AMHR2: variants seen among roughly 807,000 people sequenced by gnomAD.
AMHR2 encodes anti-Mullerian hormone receptor type 2.
AMHR2 carries 36 observed loss-of-function variants against 61.4 expected under a neutral mutation model. The ratio of observed to expected loss-of-function variants is 0.59; its 90% CI spans 0.45 to 0.77. The LOEUF (loss-of-function observed/expected upper bound fraction) is 0.77, where lower values mean the gene tolerates loss of function less well. Among genes scored for constraint, AMHR2 ranks in the 30% least tolerant of loss-of-function variants. The pLI is 0.00. For missense variants in AMHR2, 638 were observed against 714.6 expected (o/e 0.89, Z 1.22); for synonymous variants, 258 against 279.4 (o/e 0.92, Z 0.76).
At position 53,430,531 on chromosome 12, in the gene AMHR2, C is replaced by G; in HGVS notation, c.1425+249C>G. On this transcript the variant is annotated intron_variant, in intron 10 of 10. Coordinates refer to ENST00000257863, the MANE Select transcript of AMHR2 (RefSeq NM_020547.3). ...CTTCCTCCTGCTCAACCTTGCCCAG[C>G]CTGTCTCTCCTCTCTGCCATCAGTT... 6.8e-6 allele frequency: 4 copies of G among 588,974 alleles called. No individual in the cohort carries two copies. In the South Asian group the frequency reaches 7.6e-5, roughly 11 times the overall value. 36.5% of individuals were successfully genotyped at this position (588,974 alleles called of 1,614,324 possible).
At position 53,431,672 on chromosome 12, in the gene AMHR2, A is replaced by G; in HGVS notation, c.*199A>G. 1 of 665,622 alleles carries G rather than the reference A, an allele frequency of 1.5e-6. No individual in the cohort carries two copies. The highest frequency in any genetic ancestry group is 2.7e-5 in the East Asian group (1 of 36,620). The allele number at this position is 665,622 out of a possible 1,614,324, so 41.2% of individuals were successfully genotyped here. A position where few individuals can be genotyped will look rare whatever the true frequency, so the allele number is the denominator to read the frequency against. ...AGAATAAAGTCAGCTTTCCTGATGC[A>G]TATCCTTGGTCCTTCCTCTATTCCT... On this transcript the variant is annotated 3_prime_UTR_variant, in exon 11 of 11. Transcript: ENST00000257863.
chr12:53,431,498 G>C lies in AMHR2; in HGVS notation c.*25G>C. ...AATATGCAGTTTATGTGTCATCAAT[G>C]TACATGCCAACATAAATATGGCGAT... On this transcript the variant is annotated 3_prime_UTR_variant, in exon 11 of 11. Coordinates refer to ENST00000257863, the MANE Select transcript of AMHR2 (RefSeq NM_020547.3). 1 of 1,613,792 alleles carries C rather than the reference G, an allele frequency of 6.2e-7. No homozygotes were observed.
intron 1 of AMHR2, 41 bp downstream of exon 1, chr12:53,424,024 C>T (rs1330443505): frequency 3.1e-6 from 5 of 1,610,966 alleles, no homozygotes; most frequent in Non-Finnish European, 4.2e-6. Flanking sequence ...TCCATCCATC[C>T]AGCAAGGGAA....
chr12:53,424,384 T>TCC lies in AMHR2; in HGVS notation c.149_150dup (p.Arg51ProfsTer18), dbSNP rs1939343637. The TCC allele has an allele frequency of 6.2e-7, 1 of 1,613,368 alleles. No individual in the cohort carries two copies. Among genetic ancestry groups the TCC allele is most frequent in the Non-Finnish European group, 8.5e-7 (1 of 1,179,944 alleles). On this transcript the variant is annotated frameshift_variant, in exon 2 of 11. Transcript: ENST00000257863. LOFTEE classifies it high-confidence loss of function. ...GAGCTGCTAGATACAGGCACAGAGC[T>TCC]CCCCAGAGCTATCCGCTGCCTCTAC...
In AMHR2 at chr12:53,425,798, G is replaced by C; in HGVS notation, c.731G>C (p.Arg244Thr). 1 of 1,614,176 alleles carries C rather than the reference G, an allele frequency of 6.2e-7. No homozygotes were observed. Among genetic ancestry groups the C allele is most frequent in the Non-Finnish European group, 8.5e-7 (1 of 1,180,028 alleles). Residue 244 changes from arginine (R) to threonine (T), a missense_variant, in exon 6 of 11, where the codon AGA (arginine) becomes ACA (threonine). Arg to Thr is a moderately conservative substitution (Grantham distance 71). Transcript: ENST00000257863. ...PRSVAQFQAERALYELPGLQH... is the reference protein window; with the variant it reads ...PRSVAQFQAETALYELPGLQH... ...TCTGTGGCTCAGTTCCAAGCTGAGA[G>C]AGCATTGTACGAACTTCCAGGCCTA...
intron 7 of AMHR2, 108 bp downstream of exon 7, chr12:53,429,118 C>G (rs987415763): frequency 5.8e-6 from 6 of 1,030,218 alleles, no homozygotes; most frequent in Non-Finnish European, 8.7e-6. Flanking sequence ...AAGAGCCGGG[C>G]ACGGTGGCTC....
At position 53,429,852 on chromosome 12, in the gene AMHR2, G is replaced by A. The variant is rs1452594237; in HGVS notation, c.1162G>A (p.Ala388Thr). 3 of 1,614,036 alleles carry A rather than the reference G, an allele frequency of 1.9e-6. No individual in the cohort carries two copies. The highest frequency in any genetic ancestry group is 3.3e-5 in the Admixed American group (2 of 60,002). The change falls in exon 9 of 11, where the codon GCA (alanine) becomes ACA (threonine). Residue 388 changes from alanine to threonine, a missense_variant. Ala to Thr is a moderately conservative substitution (Grantham distance 58, BLOSUM62 0). Transcript: ENST00000257863. ...CCAGGCTGGCACCCAGAGGTACATG[G>A]CACCAGAGCTCTTGGACAAGACTCT... ...IMEAGTQRYM[A>T]PELLDKTLDL... is the part of the protein sequence containing the mutation.
chr12:53,425,054 G>A lies in AMHR2; in HGVS notation c.425-111G>A, dbSNP rs557456960. Reference sequence around the variant, plus strand: ...TGCCCTGGTGACTGGGAGATAAGGGGTCTTGTGACCAGGGTGGGGGTGGGT... The same window carrying A: ...TGCCCTGGTGACTGGGAGATAAGGGATCTTGTGACCAGGGTGGGGGTGGGT... On this transcript the variant is annotated intron_variant, in intron 3 of 10. Transcript: ENST00000257863. 29 of 1,589,910 alleles carry A rather than the reference G, an allele frequency of 1.8e-5. 1 individual carries two copies. In the South Asian group the frequency reaches 2.4e-4, roughly 13 times the overall value.
chr12:53,424,779 C>T lies in AMHR2; in HGVS notation c.303C>T (p.Ser101=), dbSNP rs1324676395. Residue 101 remains serine, a synonymous_variant, in exon 3 of 11, where the codon AGC becomes AGT. Transcript: ENST00000257863. ...ACCCAAGTCCCCGAGCCCACCCCAG[C>T]CCTGGCTCCACTCTCTTCACCTGCT... ...HCDPSPRAHP[S]PGSTLFTCSC... is the part of the protein sequence containing the mutation. The T allele has an allele frequency of 5.6e-6, 9 of 1,613,918 alleles. No individual in the cohort carries two copies. The highest frequency in any genetic ancestry group is 1.7e-5 in the Admixed American group (1 of 59,986).
chr12:53,429,792 A>G (rs754296181), intron 8 of AMHR2, 39 bp from the exon 9 acceptor site: 1 of 1,613,892 alleles, frequency 6.2e-7, no homozygotes, highest in African/African-American at 1.3e-5. Context: ...GAGGATTGCC[A>G]CAGAGATGAT....
In AMHR2 at chr12:53,424,845, G is replaced by A. The variant is rs774355890; in HGVS notation, c.369G>A (p.Leu123=). 1.5e-5 allele frequency: 24 copies of A among 1,613,692 alleles called. No homozygotes were observed. The East Asian group carries it at 4.9e-4, about 33-fold the overall frequency. Residue 123 remains leucine, a synonymous_variant, in exon 3 of 11, where the codon CTG becomes CTA. Coordinates refer to ENST00000257863, the MANE Select transcript of AMHR2 (RefSeq NM_020547.3). The part of the protein sequence containing the change: ...TDFCNANYSH[L]PPPGSPGTPG... ...TCTGCAATGCCAATTACAGCCATCT[G>A]CCTCCTCCAGGGAGCCCTGGGACTC... is the stretch of plus-strand genomic sequence containing the variant.
rs1047756043 is a variant in AMHR2 at position 53,423,894 on chromosome 12, C to G, written c.-41C>G. The G allele has an allele frequency of 6.2e-7, 1 of 1,612,156 alleles. No individual in the cohort carries two copies. On this transcript the variant is annotated 5_prime_UTR_variant, in exon 1 of 11. Transcript: ENST00000257863. ...ATTTGGCCAGGGGCAGCTGTGCTGG[C>G]TTATGCTCTTCTCCTTCTGCTGCTG...
chr12:53,430,794 A>C, intron 10 of AMHR2: 1 of 368,034 alleles, frequency 2.7e-6, no homozygotes, highest in Non-Finnish European at 5.1e-6. Flanking sequence ...ATACTTTTTT[A>C]ACAAAATGTC....
chr12:53,425,110 A>G, intron 3 of AMHR2, 55 bp from the exon 4 acceptor site: 1 of 1,610,704 alleles, frequency 6.2e-7, no homozygotes, highest in African/African-American at 1.3e-5. Flanking sequence ...GGGGAAGAGC[A>G]GAGAGCAGGT....
At chr12:53,430,510 C>G in intron 10 of AMHR2, 1 of 652,760 alleles carries the variant, frequency 1.5e-6, no homozygotes, top group African/African-American at 1.8e-5. Context: ...ACACACCTTC[C>G]TCCTGCTCAA....
Position 53,425,812 on chromosome 12 carries a change from C to A in AMHR2, c.745C>A (p.Leu249Ile), listed in dbSNP as rs536389361. The change falls in exon 6 of 11, where the codon CTT (leucine) becomes ATT (isoleucine). Residue 249 changes from leucine to isoleucine, a missense_variant. Leu to Ile is a conservative substitution (Grantham distance 5). Transcript: ENST00000257863. ...QFQAERALYELPGLQHDHIVR... is the reference protein window; with the variant it reads ...QFQAERALYEIPGLQHDHIVR... The stretch of plus-strand genomic sequence containing the variant: ...CCAAGCTGAGAGAGCATTGTACGAA[C>A]TTCCAGGCCTACAGCACGACCACAT... 15 of 1,614,144 alleles carry A rather than the reference C, an allele frequency of 9.3e-6. No individual in the cohort carries two copies. Among genetic ancestry groups the A allele is most frequent in the South Asian group, 3.3e-5 (3 of 91,082 alleles).
At chr12:53,430,348 G>T (rs1286248054) in intron 10 of AMHR2, 66 bp downstream of exon 10, 13 of 1,611,438 alleles carry the variant, frequency 8.1e-6, no homozygotes, top group Non-Finnish European at 1.1e-5. Flanking sequence ...CTTCAAGGAC[G>T]TCTCTGCCAG....
chr12:53,429,543 G>C lies in AMHR2; in HGVS notation c.1058G>C (p.Gly353Ala), dbSNP rs1263929170. The C allele has an allele frequency of 6.2e-7, 1 of 1,613,768 alleles. No homozygotes were observed. The highest frequency in any genetic ancestry group is 1.7e-5 in the Admixed American group (1 of 59,956). Residue 353 changes from glycine (G) to alanine (A), a missense_variant, in exon 8 of 11, where the codon GGC becomes GCC. Gly to Ala is a moderately conservative substitution (Grantham distance 60). Coordinates refer to ENST00000257863, the MANE Select transcript of AMHR2 (RefSeq NM_020547.3). ...EDGSCAIGDLGLALVLPGLTQ... is the reference protein window; with the variant it reads ...EDGSCAIGDLALALVLPGLTQ... Reference sequence around the variant, plus strand: ...GGATCGTGTGCCATTGGAGACCTGGGCCTTGCCTTGGTGCTCCCTGGCCTC... The same window carrying C: ...GGATCGTGTGCCATTGGAGACCTGGCCCTTGCCTTGGTGCTCCCTGGCCTC...
At position 53,424,920 on chromosome 12, in the gene AMHR2, G is replaced by A; in HGVS notation, c.424+20G>A. 2 of 1,605,818 alleles carry A rather than the reference G, an allele frequency of 1.2e-6. No individual in the cohort carries two copies. Among genetic ancestry groups the A allele is most frequent in the Non-Finnish European group, 8.5e-7 (1 of 1,178,582 alleles). The stretch of plus-strand genomic sequence containing the variant: ...CCCCAGGTAGCCACCCAAGGGTACT[G>A]AAGCCTGATGGGGGCTGGGGCCCAG... On this transcript the variant is annotated intron_variant, in intron 3 of 10. Coordinates refer to ENST00000257863, the MANE Select transcript of AMHR2 (RefSeq NM_020547.3).
Sources: gnomAD v4.1 joint callset for allele counts on GRCh38, gnomAD v4.1.1 for gene constraint, MANE v1.5 for transcripts, NCBI Gene and HGNC (gene_info 2026-07-23, HGNC 2026-07-21) for gene names.